Variants in SLC4A8 observed in about 807,000 individuals in gnomAD.
SLC4A8 encodes the protein electroneutral sodium bicarbonate exchanger 1.
A neutral mutation model predicts 125.0 loss-of-function variants in SLC4A8; 40 were observed. The ratio of observed to expected loss-of-function variants is 0.32; its 90% CI spans 0.25 to 0.42. The LOEUF (loss-of-function observed/expected upper bound fraction) is 0.42. Ranked by LOEUF, SLC4A8 falls within the 10% of genes least tolerant of loss-of-function variation. SLC4A8 has a pLI of 1.00. For synonymous variants in SLC4A8, 456 were observed against 476.0 expected, an observed-to-expected ratio of 0.96 and a Z score of 0.55; for missense variants, 863 against 1,355.1, an observed-to-expected ratio of 0.64 and a Z score of 5.70.
Position 51,460,082 on chromosome 12 carries a change from C to T in SLC4A8, c.987C>T (p.Gly329=). Reference sequence around the variant, plus strand: ...TGTCTCCAGCTGTTCTTCTCTCAGGCCTAACAGAAGTGCCAATCCCAACAA... The same window carrying T: ...TGTCTCCAGCTGTTCTTCTCTCAGGTCTAACAGAAGTGCCAATCCCAACAA... ...VRLSPAVLLS[G]LTEVPIPTRF... The change falls in exon 8 of 25, where the codon GGC becomes GGT. Residue 329 remains glycine (G), a synonymous_variant. Coordinates refer to ENST00000453097, the MANE Select transcript of SLC4A8 (RefSeq NM_001039960.3). The T allele has an allele frequency of 6.2e-7, 1 of 1,613,788 alleles. No individual in the cohort carries two copies. Among genetic ancestry groups the T allele is most frequent in the Non-Finnish European group, 8.5e-7 (1 of 1,179,734 alleles).
intron 2 of SLC4A8, 191 bp downstream of exon 2, chr12:51,440,980 G>T: frequency 1.0e-6 from 1 of 974,720 alleles, no homozygotes; most frequent in Non-Finnish European, 1.4e-6. Context: ...ACCTTACAGG[G>T]ATATCATTAG....
chr12:51,417,586 T>C (rs7314027), intron 1 of SLC4A8, among the ~76,000 whole-genome samples: 138,517 of 149,886 alleles, frequency 0.92, 64,032 homozygotes, highest in Non-Finnish European at 0.94. Flanking sequence ...GGGGCGATCT[T>C]GGCTCGCTGC....
rs869253201 is a variant in SLC4A8, at chr12:51,400,777, TACATAC to T, written c.-112+9291_-112+9296del. Among the ~76,000 whole-genome samples, 94 of 9,986 alleles carry T rather than the reference TACATAC, an allele frequency of 9.4e-3. 4 individuals carry two copies. Among genetic ancestry groups the T allele is most frequent in the Middle Eastern group, 0.062 (1 of 16 alleles). 6.6% of individuals were successfully genotyped at this position (9,986 alleles called of 152,430 possible). A position where few individuals can be genotyped will look rare whatever the true frequency, so the allele number is the denominator to read the frequency against. On this transcript the variant is annotated intron_variant, in intron 1 of 24. Coordinates refer to the SLC4A8 transcript ENST00000358657. Reference sequence around the variant, plus strand: ...ATATATATATATATATATATATATATACATACATACACACACACACACACATATATA... The same window carrying T: ...ATATATATATATATATATATATATATATACACACACACACACACATATATA...
At chr12:51,426,660 G>GA (rs1565765335) in intron 1 of SLC4A8, among the ~76,000 whole-genome samples, 1 of 152,120 alleles carries the variant, frequency 6.6e-6, no homozygotes, top group Non-Finnish European at 1.5e-5. Context: ...GGCAGAGGGG[G>GA]ACACACCTGG....
chr12:51,432,120 G>A (rs1479153205), intron 1 of SLC4A8, among the ~76,000 whole-genome samples: 2 of 152,102 alleles, frequency 1.3e-5, no homozygotes, highest in Non-Finnish European at 2.9e-5. Context: ...TAGAAACCTT[G>A]GAAATGGGCC....
chr12:51,501,281 C>T (rs750272252), intron 22 of SLC4A8, among the ~76,000 whole-genome samples: 3 of 152,168 alleles, frequency 2.0e-5, no homozygotes, highest in Non-Finnish European at 4.4e-5. Flanking sequence ...ACATAGTACC[C>T]CATAGGTAGT....
intron 2 of SLC4A8, among the ~76,000 whole-genome samples, chr12:51,447,072 A>G (rs1011050354): frequency 4.6e-5 from 7 of 152,000 alleles, no homozygotes; most frequent in African/African-American, 1.7e-4. Context: ...CTATCTGTCT[A>G]TCTATCTATC....
At chr12:51,459,851 GTA>G in intron 7 of SLC4A8, 98 bp from the exon 8 acceptor site, 1 of 984,984 alleles carries the variant, frequency 1.0e-6, no homozygotes. Context: ...AGTGGGTGAT[GTA>G]GTGAGACTCT....
intron 1 of SLC4A8, among the ~76,000 whole-genome samples, chr12:51,439,946 A>T (rs952105222): frequency 3.3e-5 from 5 of 152,236 alleles, no homozygotes; most frequent in African/African-American, 9.6e-5. Flanking sequence ...CTTATCAATT[A>T]CTGAACCACA....
At chr12:51,485,572 G>C (rs1410456015) in intron 16 of SLC4A8, among the ~76,000 whole-genome samples, 2 of 152,124 alleles carry the variant, frequency 1.3e-5, no homozygotes, top group Non-Finnish European at 2.9e-5. Context: ...GGTTATGTTA[G>C]CATTTGTCAG....
intron 2 of SLC4A8, among the ~76,000 whole-genome samples, chr12:51,445,957 T>G (rs1949761454): frequency 6.6e-6 from 1 of 152,236 alleles, no homozygotes; most frequent in Non-Finnish European, 1.5e-5. Context: ...TCTAGTCTGC[T>G]GCTAATGCCA....
At chr12:51,459,755 C>G (rs1280215367) in intron 7 of SLC4A8, among the ~76,000 whole-genome samples, 196 bp from the exon 8 acceptor site, 2 of 152,068 alleles carry the variant, frequency 1.3e-5, no homozygotes, top group Non-Finnish European at 2.9e-5. Flanking sequence ...GCCTGTAATT[C>G]CAGCTACTAG....
chr12:51,428,783 A>G (rs923685453), intron 1 of SLC4A8, among the ~76,000 whole-genome samples: 2 of 152,214 alleles, frequency 1.3e-5, no homozygotes, highest in African/African-American at 4.8e-5. Context: ...GCACTATGCT[A>G]AGTGTTTTTC....
At chr12:51,397,501 CAGGT>C (rs1056848180) in intron 1 of SLC4A8, among the ~76,000 whole-genome samples, 2 of 151,994 alleles carry the variant, frequency 1.3e-5, no homozygotes, top group African/African-American at 4.8e-5. Flanking sequence ...TTGAAAGAGT[CAGGT>C]GGGATGGGGA....
chr12:51,478,544 T>C (rs925356082), intron 16 of SLC4A8, among the ~76,000 whole-genome samples: 1 of 152,204 alleles, frequency 6.6e-6, no homozygotes, highest in Non-Finnish European at 1.5e-5. Context: ...TGGGATTAAA[T>C]TGGAGTTTCA....
At chr12:51,431,878 C>T (rs1353678627) in intron 1 of SLC4A8, among the ~76,000 whole-genome samples, 1 of 152,094 alleles carries the variant, frequency 6.6e-6, no homozygotes, top group African/African-American at 2.4e-5. Flanking sequence ...TTACTGTGGG[C>T]ATTAATCCAT....
chr12:51,397,409 T>A (rs1948284960), intron 1 of SLC4A8, among the ~76,000 whole-genome samples: 1 of 152,308 alleles, frequency 6.6e-6, no homozygotes, highest in Admixed American at 6.5e-5. Context: ...AAGCTCCAAT[T>A]TGGCTTAGCA....
At chr12:51,430,725 CAG>C (rs1468608435) in intron 1 of SLC4A8, among the ~76,000 whole-genome samples, 2 of 152,108 alleles carry the variant, frequency 1.3e-5, no homozygotes, top group Admixed American at 1.3e-4. Context: ...GCAGGGTAGA[CAG>C]GGTCATGGTA....
intron 1 of SLC4A8, among the ~76,000 whole-genome samples, chr12:51,396,916 C>T (rs979512929): frequency 6.9e-6 from 1 of 144,490 alleles, no homozygotes; most frequent in African/African-American, 2.6e-5. Context: ...TTTACTTCAG[C>T]CTTAGTTAAT....
Sources: allele counts gnomAD v4.1 joint callset (sites outside exome capture counted in the v4.1 genomes callset), GRCh38; gene constraint gnomAD v4.1.1; transcripts MANE v1.5; gene names NCBI Gene and HGNC (gene_info 2026-07-23, HGNC 2026-07-21).